Variants in TMEM132D observed in about 807,000 individuals in gnomAD.
TMEM132D encodes transmembrane protein 132D.
Under a neutral mutation model 62.3 loss-of-function variants are expected in TMEM132D, and 21 were observed. That is an observed-to-expected ratio of 0.34 (90% CI 0.24 to 0.49). TMEM132D has a LOEUF of 0.49. TMEM132D is among the 20% of genes least tolerant of loss of function. The pLI is 0.99. For synonymous variants in TMEM132D, 621 were observed against 575.6 expected, an observed-to-expected ratio of 1.08 and a Z score of -1.13; for missense variants, 1,346 against 1,402.8, an observed-to-expected ratio of 0.96 and a Z score of 0.65.
intron 5 of TMEM132D, among the ~76,000 whole-genome samples, chr12:129,109,000 C>G (rs1875592972): frequency 6.6e-6 from 1 of 152,214 alleles, no homozygotes; most frequent in Non-Finnish European, 1.5e-5. Context: ...ATGCTATTAA[C>G]TAGACTTCAA....
rs374785272 is a variant in TMEM132D, at chr12:129,779,771, C to G, written c.80-79073G>C. Among the ~76,000 whole-genome samples, 5 of 152,014 alleles carry G rather than the reference C, an allele frequency of 3.3e-5. No homozygotes were observed. Among genetic ancestry groups the G allele is most frequent in the Non-Finnish European group, 7.4e-5 (5 of 68,008 alleles). On this transcript the variant is annotated intron_variant, in intron 1 of 8. Transcript: ENST00000422113. This position sits in a 1 kb window ranked among gnomAD's most constrained non-coding sequence, Gnocchi z 4.1. ...ATTCTGGGAACAGGATTTAAGGGGT[C>G]GCCTCCCCACTCAAACTCATGACGG...
At chr12:129,420,321 T>TGCAA (rs1670362333) in intron 3 of TMEM132D, among the ~76,000 whole-genome samples, 2 of 122,014 alleles carry the variant, frequency 1.6e-5, no homozygotes, top group Non-Finnish European at 1.8e-5. Context: ...TTTTTTTTTT[T>TGCAA]TTTTTTTTTG....
At chr12:129,520,399 C>T (rs548461685) in intron 3 of TMEM132D, among the ~76,000 whole-genome samples, 2 of 152,350 alleles carry the variant, frequency 1.3e-5, no homozygotes, top group East Asian at 3.9e-4. Flanking sequence ...ACAATAGTCT[C>T]CACATGGAAT....
intron 3 of TMEM132D, among the ~76,000 whole-genome samples, chr12:129,486,603 C>A (rs374545638): frequency 6.6e-6 from 1 of 152,322 alleles, no homozygotes; most frequent in East Asian, 1.9e-4. Flanking sequence ...TCTGTCCCCA[C>A]TCATTGTGTG....
intron 1 of TMEM132D, among the ~76,000 whole-genome samples, chr12:129,838,917 G>T (rs970842650): frequency 7.3e-5 from 11 of 151,338 alleles, no homozygotes; most frequent in Admixed American, 6.6e-4. Context: ...ATTTTTTGGA[G>T]GTCAGTTAAG....
intron 4 of TMEM132D, among the ~76,000 whole-genome samples, chr12:129,283,161 T>C (rs1881201418): frequency 6.6e-6 from 1 of 152,190 alleles, no homozygotes; most frequent in Admixed American, 6.5e-5. Context: ...AATAACTACT[T>C]TGGAGCATCT....
At chr12:129,384,023 T>C (rs546419975) in intron 3 of TMEM132D, among the ~76,000 whole-genome samples, 18 of 152,326 alleles carry the variant, frequency 1.2e-4, no homozygotes, top group African/African-American at 3.8e-4. Context: ...AAGACTCTCA[T>C]TGAGCTCAGG....
chr12:129,903,316 C>T lies in TMEM132D; in HGVS notation c.24G>A (p.Thr8=), dbSNP rs2137405025. The change falls in exon 1 of 9, where the codon ACG becomes ACA. Residue 8 remains threonine (T), a synonymous_variant. Coordinates refer to ENST00000422113, the MANE Select transcript of TMEM132D (RefSeq NM_133448.3). This position sits in a 1 kb window ranked among gnomAD's most constrained non-coding sequence, Gnocchi z 6.2. MCPSEMG[T]LWHHWSPVLI... Reference sequence around the variant, plus strand: ...GTACCGGCGACCAGTGGTGCCACAGCGTCCCCATCTCAGACGGGCACATCC... The same window carrying T: ...GTACCGGCGACCAGTGGTGCCACAGTGTCCCCATCTCAGACGGGCACATCC... The T allele has an allele frequency of 1.3e-6, 2 of 1,554,194 alleles. No individual in the cohort carries two copies. Among genetic ancestry groups the T allele is most frequent in the African/African-American group, 1.4e-5 (1 of 73,268 alleles).
chr12:129,441,781 T>C (rs1872942678), intron 3 of TMEM132D, among the ~76,000 whole-genome samples: 1 of 152,178 alleles, frequency 6.6e-6, no homozygotes, highest in Non-Finnish European at 1.5e-5. Flanking sequence ...GTCACACATA[T>C]ACACTGTGGA....
intron 1 of TMEM132D, among the ~76,000 whole-genome samples, chr12:129,810,292 C>CAT (rs1356121869): frequency 6.6e-6 from 1 of 151,888 alleles, no homozygotes; most frequent in Non-Finnish European, 1.5e-5. Flanking sequence ...AATGATTGTC[C>CAT]ATATATTTTT....
Position 129,497,919 on chromosome 12 carries a change from C to T in TMEM132D, c.1115+33140G>A, listed in dbSNP as rs529729896. ...CAAGTGATCCACTCATCTCCACTTCCGAAAGGGCTAAGATTAGAGGCATAA... is the reference window on the plus strand; with the variant it reads ...CAAGTGATCCACTCATCTCCACTTCTGAAAGGGCTAAGATTAGAGGCATAA... On this transcript the variant is annotated intron_variant, in intron 3 of 8. Coordinates refer to ENST00000422113, the MANE Select transcript of TMEM132D (RefSeq NM_133448.3). Among the ~76,000 whole-genome samples the T allele has an allele frequency of 2.1e-4, 32 of 151,972 alleles. No homozygotes were observed. The South Asian group carries it at 4.1e-3, about 20-fold the overall frequency.
At chr12:129,770,138 TG>T (rs1565979654) in intron 1 of TMEM132D, among the ~76,000 whole-genome samples, 1 of 68,176 alleles carries the variant, frequency 1.5e-5, no homozygotes, top group African/African-American at 4.9e-5. Context: ...TGGGTTTTTT[TG>T]GTTGTTTTTT....
intron 1 of TMEM132D, among the ~76,000 whole-genome samples, chr12:129,837,449 A>T (rs1363749217): frequency 6.6e-6 from 1 of 152,220 alleles, no homozygotes; most frequent in African/African-American, 2.4e-5. Flanking sequence ...ATTGCTTTTT[A>T]AAACTTTCTA....
chr12:129,844,435 C>A (rs954780384), intron 1 of TMEM132D, among the ~76,000 whole-genome samples: 2 of 152,182 alleles, frequency 1.3e-5, no homozygotes, highest in Non-Finnish European at 2.9e-5. Context: ...TCCCCCATAT[C>A]TCTTGTAGTG....
intron 2 of TMEM132D, among the ~76,000 whole-genome samples, chr12:129,578,449 T>C (rs953697708): frequency 5.3e-5 from 8 of 151,264 alleles, no homozygotes; most frequent in South Asian, 2.1e-4. Flanking sequence ...TATGTATATA[T>C]ATATGACTAA....
chr12:129,464,437 T>G (rs907787166), intron 3 of TMEM132D, among the ~76,000 whole-genome samples: 2 of 152,198 alleles, frequency 1.3e-5, no homozygotes, highest in Non-Finnish European at 2.9e-5. Context: ...TTCACTCTGA[T>G]GGTAGTTTCT....
chr12:129,865,521 A>G (rs995882069), intron 1 of TMEM132D, among the ~76,000 whole-genome samples: 1 of 152,148 alleles, frequency 6.6e-6, no homozygotes, highest in Non-Finnish European at 1.5e-5. Context: ...TTCTACGAAC[A>G]CTCCAAGAGA....
chr12:129,804,780 A>G (rs1871921582), intron 1 of TMEM132D, among the ~76,000 whole-genome samples: 1 of 97,920 alleles, frequency 1.0e-5, no homozygotes, highest in South Asian at 4.1e-4. Context: ...ATGATTGTAT[A>G]TCTAGAAAAC....
intron 3 of TMEM132D, among the ~76,000 whole-genome samples, chr12:129,506,527 C>T (rs1442378950): frequency 6.6e-6 from 1 of 152,118 alleles, no homozygotes; most frequent in African/African-American, 2.4e-5. Flanking sequence ...ACCAATTGAA[C>T]AGAATAGAGA....
Sources: allele counts gnomAD v4.1 joint callset (sites outside exome capture counted in the v4.1 genomes callset), GRCh38; gene constraint gnomAD v4.1.1; non-coding constraint Gnocchi (gnomAD v3.1); transcripts MANE v1.5; gene names NCBI Gene and HGNC (gene_info 2026-07-23, HGNC 2026-07-21).